VPS54: variants seen among roughly 807,000 people sequenced by gnomAD.
The protein encoded by VPS54 is vacuolar protein sorting-associated protein 54.
VPS54 carries 45 observed loss-of-function variants against 121.5 expected under a neutral mutation model. The observed-to-expected ratio is 0.37, with a 90% CI of 0.29 to 0.47. VPS54 has a LOEUF of 0.47. Ranked by LOEUF, VPS54 falls within the 20% of genes least tolerant of loss-of-function variation. The pLI, the probability that VPS54 is intolerant of heterozygous loss-of-function variation, is 0.99. For missense variants in VPS54, 1,090 were observed against 1,131.4 expected, an observed-to-expected ratio of 0.96 and a Z score of 0.52; for synonymous variants, 371 against 385.8, an observed-to-expected ratio of 0.96 and a Z score of 0.45.
At chr2:63,919,734 C>T in intron 15 of VPS54, 149 bp downstream of exon 15, 1 of 509,978 alleles carries the variant, frequency 2.0e-6, no homozygotes, top group Non-Finnish European at 3.5e-6. Context: ...TTATAAATTA[C>T]CATAGTTTTC....
chr2:63,984,848 A>G (rs1676968532), intron 1 of VPS54, among the ~76,000 whole-genome samples: 1 of 152,234 alleles, frequency 6.6e-6, no homozygotes. Flanking sequence ...ACTGGACACT[A>G]AAGAACATGC....
At chr2:63,907,704 TG>T (rs1490752504) in intron 20 of VPS54, among the ~76,000 whole-genome samples, 5 of 152,254 alleles carry the variant, frequency 3.3e-5, no homozygotes, top group Non-Finnish European at 5.9e-5. Context: ...ATACAGAATT[TG>T]TATCTAAGAT....
At chr2:64,009,486 T>C (rs1393728782) in intron 1 of VPS54, among the ~76,000 whole-genome samples, 1 of 152,052 alleles carries the variant, frequency 6.6e-6, no homozygotes, top group Non-Finnish European at 1.5e-5. Context: ...CGGCTAATCT[T>C]TGTATTTTTA....
At chr2:63,930,104 T>C (rs1169588557) in intron 12 of VPS54, among the ~76,000 whole-genome samples, 1 of 152,176 alleles carries the variant, frequency 6.6e-6, no homozygotes, top group Non-Finnish European at 1.5e-5. Context: ...GCTAGTACCA[T>C]TCCTTCTGAA....
At chr2:63,969,988 C>A (rs982879199) in intron 4 of VPS54, among the ~76,000 whole-genome samples, 20 of 151,688 alleles carry the variant, frequency 1.3e-4, no homozygotes, top group Non-Finnish European at 2.2e-4. Context: ...TTCAAATGAA[C>A]CTACTTTACT....
At chr2:64,002,803 T>G (rs1400111303) in intron 1 of VPS54, among the ~76,000 whole-genome samples, 2 of 152,156 alleles carry the variant, frequency 1.3e-5, no homozygotes, top group African/African-American at 4.8e-5. Flanking sequence ...AGATCTCTAG[T>G]AAAAGGGGAT....
At chr2:63,898,861 G>C (rs116377324) in intron 21 of VPS54, among the ~76,000 whole-genome samples, 2,681 of 152,062 alleles carry the variant, frequency 0.018, 33 homozygotes, top group Non-Finnish European at 0.022. Flanking sequence ...GGGCTGTAGC[G>C]GGTAGAGCTG....
intron 1 of VPS54, among the ~76,000 whole-genome samples, chr2:64,007,121 G>C (rs1357061740): frequency 1.3e-5 from 2 of 152,116 alleles, no homozygotes. Context: ...AACCAATATG[G>C]GCAGACATAA....
intron 1 of VPS54, among the ~76,000 whole-genome samples, chr2:64,015,897 C>T (rs1338382539): frequency 6.6e-6 from 1 of 152,188 alleles, no homozygotes; most frequent in Non-Finnish European, 1.5e-5. Flanking sequence ...ACCCACTTTT[C>T]CCCCAAAGTT....
chr2:63,957,240 A>C (rs892419241), intron 7 of VPS54, among the ~76,000 whole-genome samples: 2 of 152,066 alleles, frequency 1.3e-5, no homozygotes, highest in African/African-American at 4.8e-5. Context: ...CAGGAGATCG[A>C]GGCCATCCTG....
intron 1 of VPS54, among the ~76,000 whole-genome samples, chr2:63,988,336 C>T (rs1007191220): frequency 1.3e-5 from 2 of 152,150 alleles, no homozygotes; most frequent in African/African-American, 4.8e-5. Flanking sequence ...TATCTACATT[C>T]CTGAAATAAA....
In VPS54 at chr2:63,897,549, C is replaced by G; in HGVS notation, c.2775G>C (p.Leu925Phe). 6.3e-7 allele frequency: 1 copy of G among 1,597,570 alleles called. No individual in the cohort carries two copies. The highest frequency in any genetic ancestry group is 8.5e-7 in the Non-Finnish European group (1 of 1,172,766). The stretch of plus-strand genomic sequence containing the variant: ...CATTTAAGTGAGATAACTGCTTTTT[C>G]AAGTGGAGTTTATAACTTGCATTAA... Reference protein sequence around the residue: ...LRINASYKLHLKKQLSHLNVI... With the variant: ...LRINASYKLHFKKQLSHLNVI... The change falls in exon 22 of 23, where the codon TTG becomes TTC. Residue 925 changes from leucine (L) to phenylalanine (F), a missense_variant. Transcript: ENST00000272322.
chr2:63,947,842 G>A (rs990025317), intron 8 of VPS54, among the ~76,000 whole-genome samples: 2 of 151,586 alleles, frequency 1.3e-5, no homozygotes, highest in African/African-American at 4.8e-5. Context: ...TTTGGTTTTT[G>A]CTTCTTTGTT....
chr2:63,912,500 A>C, intron 19 of VPS54, 40 bp downstream of exon 19: 1 of 1,610,256 alleles, frequency 6.2e-7, no homozygotes, highest in African/African-American at 1.3e-5. Context: ...TTAAGGATCT[A>C]AACTTATGAA....
rs149967965 is a variant in VPS54, at chr2:63,938,010, T to C, written c.1399-3997A>G. 4.1e-3 allele frequency among the ~76,000 whole-genome samples: 612 copies of C among 150,130 alleles called. 3 individuals carry two copies. The highest frequency in any genetic ancestry group is 0.015 in the African/African-American group (589 of 40,210). On this transcript the variant is annotated intron_variant, in intron 11 of 22. Coordinates refer to ENST00000272322, the MANE Select transcript of VPS54 (RefSeq NM_016516.3). ...ATAGAGACAGAAAGTAGAATGGTGG[T>C]TGCCAGGGGATTGGGGAAAGTGGAA...
chr2:63,899,285 C>CA (rs1207747844), intron 21 of VPS54, among the ~76,000 whole-genome samples, 189 bp downstream of exon 21: 1 of 152,162 alleles, frequency 6.6e-6, no homozygotes, highest in African/African-American at 2.4e-5. Flanking sequence ...TCTGGTCTGT[C>CA]ACTGCAAGGA....
At chr2:63,893,709 A>G (rs1672323323) in intron 22 of VPS54, among the ~76,000 whole-genome samples, 174 bp from the exon 23 acceptor site, 1 of 152,222 alleles carries the variant, frequency 6.6e-6, no homozygotes, top group Admixed American at 6.5e-5. Context: ...AGGCCATTTA[A>G]TGCTGTACTT....
At chr2:64,009,769 G>T (rs1559057193) in intron 1 of VPS54, among the ~76,000 whole-genome samples, 2 of 152,036 alleles carry the variant, frequency 1.3e-5, no homozygotes, top group Non-Finnish European at 2.9e-5. Flanking sequence ...AGCTGTGATG[G>T]CATCACTGCA....
intron 1 of VPS54, among the ~76,000 whole-genome samples, chr2:64,013,852 C>T (rs915317854): frequency 6.6e-5 from 10 of 151,674 alleles, no homozygotes; most frequent in Non-Finnish European, 1.5e-4. Context: ...ACCACCTCTA[C>T]CCTTATTTTT....
Sources: allele counts gnomAD v4.1 joint callset (sites outside exome capture counted in the v4.1 genomes callset), GRCh38; gene constraint gnomAD v4.1.1; transcripts MANE v1.5; gene names NCBI Gene and HGNC (gene_info 2026-07-23, HGNC 2026-07-21).